KMT2C: variants seen among roughly 807,000 people sequenced by gnomAD.
KMT2C encodes the protein lysine methyltransferase 2C.
A neutral mutation model predicts 507.9 loss-of-function variants in KMT2C; 88 were observed. That is an observed-to-expected ratio of 0.17 (90% CI 0.15 to 0.21). The LOEUF (loss-of-function observed/expected upper bound fraction) is 0.21, where lower values mean the gene tolerates loss of function less well. KMT2C is among the 10% of genes least tolerant of loss of function. The pLI, the probability that KMT2C is intolerant of heterozygous loss-of-function variation, is 1.00. For synonymous variants in KMT2C, 2,049 were observed against 2,080.8 expected (o/e 0.98, Z 0.42); for missense variants, 4,954 against 5,957.8 (o/e 0.83, Z 5.55).
chr7:152,138,864 C>A lies in KMT2C; in HGVS notation c.14575G>T (p.Val4859Leu), dbSNP rs2090185583. Reference sequence around the variant, plus strand: ...TTGTGTCCTCTCTCAAAAGTCACCACTTCAGCCACACAATTAGGTGCACAC... The same window carrying A: ...TTGTGTCCTCTCTCAAAAGTCACCAATTCAGCCACACAATTAGGTGCACAC... ...HSCAPNCVAE[V>L]VTFERGHKII... The change falls in exon 58 of 59, where the codon GTG becomes TTG. Residue 4859 changes from valine (V) to leucine (L), a missense_variant. By Grantham distance (32) the Val-to-Leu change is conservative (BLOSUM62 1). Coordinates refer to ENST00000262189, the MANE Select transcript of KMT2C (RefSeq NM_170606.3). This position sits in a 1 kb window ranked among gnomAD's most constrained non-coding sequence, Gnocchi z 4.2. The A allele has an allele frequency of 6.2e-7, 1 of 1,613,796 alleles. No homozygotes were observed. Among genetic ancestry groups the A allele is most frequent in the Non-Finnish European group, 8.5e-7 (1 of 1,179,910 alleles).
intron 42 of KMT2C, 29 bp from the exon 43 acceptor site, chr7:152,163,855 T>A: frequency 6.3e-7 from 1 of 1,592,866 alleles, no homozygotes; most frequent in East Asian, 2.2e-5. Flanking sequence ...TCATTACTCA[T>A]TTCTATACAG....
At chr7:152,215,484 A>G (rs1169362560) in intron 23 of KMT2C, among the ~76,000 whole-genome samples, 1 of 137,502 alleles carries the variant, frequency 7.3e-6, no homozygotes, top group Admixed American at 7.7e-5. Flanking sequence ...ACTGCACTCC[A>G]GCCTGGGCGA....
intron 3 of KMT2C, among the ~76,000 whole-genome samples, chr7:152,329,678 GA>G (rs1231306975): frequency 6.9e-6 from 1 of 145,756 alleles, no homozygotes; most frequent in Non-Finnish European, 1.5e-5. Flanking sequence ...GAAGGAGGGA[GA>G]AAGGGAGGGA....
chr7:152,144,241 C>T lies in KMT2C; in HGVS notation c.14343+472G>A, dbSNP rs1202328686. Among the ~76,000 whole-genome samples, 2 of 152,204 alleles carry T rather than the reference C, an allele frequency of 1.3e-5. No homozygotes were observed. The highest frequency in any genetic ancestry group is 1.9e-4 in the East Asian group (1 of 5,202). On this transcript the variant is annotated intron_variant, in intron 55 of 58. Coordinates refer to ENST00000262189, the MANE Select transcript of KMT2C (RefSeq NM_170606.3). This position sits in a 1 kb window ranked among gnomAD's most constrained non-coding sequence, Gnocchi z 4.4. ...TGGACTATAGGTGTAAACTTAAATG[C>T]TTAGCCTATACACGGCCTTACTTGT...
intron 44 of KMT2C, chr7:152,158,010 T>C (rs2092186105): frequency 1.1e-6 from 1 of 945,152 alleles, no homozygotes; most frequent in Non-Finnish European, 1.4e-6. Flanking sequence ...AGCAACTTTG[T>C]TGAATAAGGC....
At chr7:152,196,746 G>C (rs747086197) in intron 27 of KMT2C, among the ~76,000 whole-genome samples, 21 of 152,200 alleles carry the variant, frequency 1.4e-4, no homozygotes, top group Non-Finnish European at 2.6e-4. Flanking sequence ...AGTGGTCTAT[G>C]AAGACCTTTA....
chr7:152,308,325 T>C (rs573279552), intron 6 of KMT2C, among the ~76,000 whole-genome samples: 2 of 152,222 alleles, frequency 1.3e-5, no homozygotes, highest in Admixed American at 1.3e-4. Flanking sequence ...AGGTCAAAAT[T>C]TCCAGTTTTA....
In KMT2C at chr7:152,149,000, G is replaced by A. The variant is rs200759692; in HGVS notation, c.12927C>T (p.Phe4309=). Reference sequence around the variant, plus strand: ...CTTGGGCTGCTTCAAAAGCAGGAGGGAAGGCGATGGGTGGTGAGGCAGGGG... The same window carrying A: ...CTTGGGCTGCTTCAAAAGCAGGAGGAAAGGCGATGGGTGGTGAGGCAGGGG... ...ASPPASPPIA[F]PPAFEAAQVE... Residue 4309 remains phenylalanine (F), a synonymous_variant, in exon 52 of 59, where the codon TTC becomes TTT. Coordinates refer to ENST00000262189, the MANE Select transcript of KMT2C (RefSeq NM_170606.3). This position sits in a 1 kb window ranked among gnomAD's most constrained non-coding sequence, Gnocchi z 7.1. 21 of 1,566,906 alleles carry A rather than the reference G, an allele frequency of 1.3e-5. No individual in the cohort carries two copies. Among genetic ancestry groups the A allele is most frequent in the Non-Finnish European group, 1.6e-5 (18 of 1,158,496 alleles).
At chr7:152,139,110 T>A in intron 57 of KMT2C, 76 bp downstream of exon 57, 3 of 1,416,184 alleles carry the variant, frequency 2.1e-6, no homozygotes. Context: ...AGCCTTTCCC[T>A]TGGCTTCAGT....
Position 152,235,883 on chromosome 7 carries a change from C to A in KMT2C, c.2703G>T (p.Leu901=), listed in dbSNP as rs745645665. 1 of 1,611,930 alleles carries A rather than the reference C, an allele frequency of 6.2e-7. No homozygotes were observed. Among genetic ancestry groups the A allele is most frequent in the South Asian group, 1.1e-5 (1 of 90,990 alleles). The change falls in exon 16 of 59, where the codon CTG becomes CTT. Residue 901 remains leucine (L), a synonymous_variant. Transcript: ENST00000262189. ...ACCTGCCTCGGCCACCTCGCCCCGA[C>A]AGTCCTGCACCTCGAGGTCTCCGCT... The part of the protein sequence containing the change: ...PGKRRPRGAG[L]SGRGGRGRSK...
At chr7:152,349,317 GCC>G (rs1296526310) in intron 2 of KMT2C, among the ~76,000 whole-genome samples, 3 of 152,064 alleles carry the variant, frequency 2.0e-5, no homozygotes, top group Non-Finnish European at 4.4e-5. Flanking sequence ...GGTGGTGCAT[GCC>G]TGTAATACCA....
chr7:152,328,595 G>A (rs2096852294), intron 3 of KMT2C, among the ~76,000 whole-genome samples: 1 of 152,138 alleles, frequency 6.6e-6, no homozygotes, highest in South Asian at 2.1e-4. Context: ...GAAAGAGAGT[G>A]GAGAGTGGGG....
chr7:152,314,443 T>C (rs1412106601), intron 4 of KMT2C, among the ~76,000 whole-genome samples: 1 of 152,020 alleles, frequency 6.6e-6, no homozygotes, highest in East Asian at 1.9e-4. Context: ...TAAACACAAC[T>C]GTACAAAATA....
chr7:152,409,001 T>G (rs1423540729), intron 1 of KMT2C, among the ~76,000 whole-genome samples: 5 of 152,010 alleles, frequency 3.3e-5, no homozygotes, highest in Admixed American at 3.3e-4. Flanking sequence ...CTCTCTTTTT[T>G]TTTTGAGACA....
intron 1 of KMT2C, among the ~76,000 whole-genome samples, chr7:152,413,502 T>C (rs2097702554): frequency 6.6e-6 from 1 of 152,194 alleles, no homozygotes; most frequent in African/African-American, 2.4e-5. Context: ...ACAATGCAAC[T>C]TTCTAGTTTT....
At chr7:152,339,256 C>G (rs1180211580) in intron 2 of KMT2C, among the ~76,000 whole-genome samples, 3 of 152,152 alleles carry the variant, frequency 2.0e-5, no homozygotes, top group Non-Finnish European at 4.4e-5. Context: ...TTTTTACTAA[C>G]CTCTAATTTT....
At chr7:152,158,351 T>C (rs893914366) in intron 44 of KMT2C, among the ~76,000 whole-genome samples, 1 of 152,184 alleles carries the variant, frequency 6.6e-6, no homozygotes, top group Non-Finnish European at 1.5e-5. Flanking sequence ...CTACTCCTTA[T>C]GAACATAAGA....
At position 152,274,362 on chromosome 7, in the gene KMT2C, A is replaced by G. The variant is rs1206372678; in HGVS notation, c.850-495T>C. Among the ~76,000 whole-genome samples, 3 of 151,434 alleles carry G rather than the reference A, an allele frequency of 2.0e-5. No individual in the cohort carries two copies. The South Asian group carries it at 6.3e-4, about 32-fold the overall frequency. Reference sequence around the variant, plus strand: ...GGGACACAAATGGTTAAAGACTCACAGAAAAAAACACAAAACTACATACTT... The same window carrying G: ...GGGACACAAATGGTTAAAGACTCACGGAAAAAAACACAAAACTACATACTT... On this transcript the variant is annotated intron_variant, in intron 6 of 58. Coordinates refer to ENST00000262189, the MANE Select transcript of KMT2C (RefSeq NM_170606.3).
In KMT2C at chr7:152,176,327, T is replaced by G; in HGVS notation, c.9126A>C (p.Arg3042Ser). ...MIPQTLAQQN[R>S]ERPLLLEEQP... ...GTTCTTCTAGAAGAAGGGGCCTCTC[T>G]CTATTCTGCTGTGCTAATGTTTGAG... is the stretch of plus-strand genomic sequence containing the variant. The change falls in exon 38 of 59, where the codon AGA becomes AGC. Residue 3042 changes from arginine (R) to serine (S), a missense_variant. Arg to Ser is a moderately radical substitution (Grantham distance 110). Around this residue, in one of 29 missense-constraint regions of KMT2C, gnomAD observed 1,689 missense variants for 1,654.3 expected, o/e 1.02. Transcript: ENST00000262189. The G allele has an allele frequency of 6.2e-7, 1 of 1,614,130 alleles. No individual in the cohort carries two copies. Among genetic ancestry groups the G allele is most frequent in the Non-Finnish European group, 8.5e-7 (1 of 1,180,008 alleles).
Sources: gnomAD v4.1 joint callset for allele counts (sites outside exome capture counted in the v4.1 genomes callset) on GRCh38, gnomAD v4.1.1 for gene constraint, gnomAD v4.1.1 regional missense constraint, Gnocchi (gnomAD v3.1) non-coding constraint, MANE v1.5 for transcripts, NCBI Gene and HGNC (gene_info 2026-07-23, HGNC 2026-07-21) for gene names.